Variants in MAP4 observed in about 807,000 individuals in gnomAD.
MAP4 encodes the protein microtubule associated protein 4.
A neutral mutation model predicts 170.2 loss-of-function variants in MAP4; 76 were observed. The observed-to-expected ratio is 0.45, with a 90% confidence interval of 0.37 to 0.54. The LOEUF (loss-of-function observed/expected upper bound fraction) is 0.54. Ranked by LOEUF, MAP4 falls within the 20% of genes least tolerant of loss-of-function variation. The pLI is 0.00. For missense variants in MAP4, 2,506 were observed against 2,748.0 expected, an observed-to-expected ratio of 0.91 and a Z score of 1.97; for synonymous variants, 909 against 994.5, an observed-to-expected ratio of 0.91 and a Z score of 1.62.
chr3:47,862,346 CAAAAAAAAAAAAAAAA>C (rs57751818), intron 17 of MAP4, among the ~76,000 whole-genome samples: 3 of 52,374 alleles, frequency 5.7e-5, no homozygotes, highest in South Asian at 1.5e-3. Context: ...GACTGTGTCT[CAAAAAAAAAAAAAAAA>C]AAAAAAAAAA....
intron 4 of MAP4, among the ~76,000 whole-genome samples, chr3:47,922,261 T>A (rs1306695829): frequency 1.3e-5 from 2 of 152,140 alleles, no homozygotes; most frequent in African/African-American, 2.4e-5. Context: ...TATTTCTTAT[T>A]ATCCTATGAT....
chr3:48,072,826 T>C (rs2100141663), intron 1 of MAP4, among the ~76,000 whole-genome samples: 1 of 152,180 alleles, frequency 6.6e-6, no homozygotes, highest in Admixed American at 6.6e-5. Flanking sequence ...CCCACTACTG[T>C]AGCACCTGAC....
rs115285837 is a variant in MAP4, at chr3:47,873,499, T to G, written c.5758-1399A>C. On this transcript the variant is annotated intron_variant, in intron 12 of 20. Transcript: ENST00000683076. ...AGCAGGATATCGTTAAATGGAAAAA[T>G]CAGCTAAGGAGGTACTAGAAATTAA... Among the ~76,000 whole-genome samples, 582 of 152,054 alleles carry G rather than the reference T, an allele frequency of 3.8e-3. 4 individuals are homozygous for G. The highest frequency in any genetic ancestry group is 0.013 in the African/African-American group (545 of 41,456).
At chr3:48,044,214 G>A (rs2100123153) in intron 1 of MAP4, among the ~76,000 whole-genome samples, 1 of 151,100 alleles carries the variant, frequency 6.6e-6, no homozygotes, top group South Asian at 2.1e-4. Context: ...GAGTGCAGTG[G>A]CGCAATCTCG....
At chr3:47,976,082 G>T (rs1475105869) in intron 3 of MAP4, among the ~76,000 whole-genome samples, 1 of 152,140 alleles carries the variant, frequency 6.6e-6, no homozygotes. Context: ...GAGCCACCGC[G>T]CCCGGCCTAG....
At chr3:47,915,815 G>T in intron 7 of MAP4, 136 bp downstream of exon 7, 1 of 912,924 alleles carries the variant, frequency 1.1e-6, no homozygotes. Flanking sequence ...GAGTTGTCTA[G>T]GAGAGCAGGA....
chr3:47,968,200 G>T (rs2100076274), intron 3 of MAP4, among the ~76,000 whole-genome samples: 1 of 152,140 alleles, frequency 6.6e-6, no homozygotes, highest in Non-Finnish European at 1.5e-5. Flanking sequence ...TTCACTAATG[G>T]ATAGAACAAC....
At chr3:47,925,642 T>C (rs2100045407) in intron 4 of MAP4, among the ~76,000 whole-genome samples, 1 of 152,186 alleles carries the variant, frequency 6.6e-6, no homozygotes, top group Admixed American at 6.5e-5. Context: ...CCACTTTATA[T>C]GATTCCCTTT....
At chr3:47,978,006 T>C (rs2100083199) in intron 2 of MAP4, 73 bp from the exon 3 acceptor site, 1 of 955,284 alleles carries the variant, frequency 1.0e-6, no homozygotes, top group Admixed American at 1.7e-5. Context: ...ACTGTCTTAT[T>C]AATGGAGTTT....
At chr3:48,056,682 G>A (rs62260849) in intron 1 of MAP4, among the ~76,000 whole-genome samples, 2 of 97,072 alleles carry the variant, frequency 2.1e-5, no homozygotes, top group Admixed American at 8.9e-5. Flanking sequence ...TCAGCCCTCC[G>A]CCCGGCCAGC....
At chr3:48,058,209 AAAATGACTC>A (rs2100133282) in intron 1 of MAP4, among the ~76,000 whole-genome samples, 1 of 152,252 alleles carries the variant, frequency 6.6e-6, no homozygotes, top group Admixed American at 6.5e-5. Flanking sequence ...TTCAAAGAGA[AAAATGACTC>A]AGTCCTAGAC....
intron 10 of MAP4, chr3:47,891,143 T>C (rs1004642181): frequency 1.3e-6 from 2 of 1,536,198 alleles, no homozygotes; most frequent in Admixed American, 2.0e-5. Context: ...CTGGCAAACC[T>C]GCGAGCATGA....
intron 2 of MAP4, among the ~76,000 whole-genome samples, chr3:47,986,529 C>T (rs746408601): frequency 6.6e-5 from 10 of 151,512 alleles, no homozygotes; most frequent in Non-Finnish European, 1.0e-4. Flanking sequence ...TTAGTAGAGG[C>T]GGGGTTTTGC....
At chr3:48,004,092 C>T (rs541601013) in intron 1 of MAP4, among the ~76,000 whole-genome samples, 1 of 152,204 alleles carries the variant, frequency 6.6e-6, no homozygotes, top group African/African-American at 2.4e-5. Flanking sequence ...CATATATATC[C>T]TATTAGTTCT....
chr3:47,855,051 C>T lies in MAP4; in HGVS notation c.6696+197G>A. On this transcript the variant is annotated intron_variant, in intron 19 of 20. Coordinates refer to ENST00000683076, the MANE Select transcript of MAP4 (RefSeq NM_001385682.1). This position sits in a 1 kb window ranked among gnomAD's most constrained non-coding sequence, Gnocchi z 5.1. ...CCTCCAGCTGACAGGTGAGGGGTGG[C>T]TGGGCTGGGGCCTCTTCACTTCTGC... 1 of 551,632 alleles carries T rather than the reference C, an allele frequency of 1.8e-6. No individual in the cohort carries two copies. The allele number at this position is 551,632 out of a possible 1,614,324, so 34.2% of individuals were successfully genotyped here. A position where few individuals can be genotyped will look rare whatever the true frequency, so the allele number is the denominator to read the frequency against.
At chr3:47,898,767 G>A (rs191199719) in intron 10 of MAP4, among the ~76,000 whole-genome samples, 4 of 152,040 alleles carry the variant, frequency 2.6e-5, no homozygotes, top group Non-Finnish European at 5.9e-5. Context: ...AACATAGCAG[G>A]ACCCACATCT....
intron 10 of MAP4, chr3:47,892,724 C>G (rs1415776260): frequency 2.2e-6 from 3 of 1,346,254 alleles, no homozygotes; most frequent in Non-Finnish European, 1.9e-6. Context: ...GAACCTGCTG[C>G]TTTCTGCACA....
At chr3:48,010,361 G>A (rs548784119) in intron 1 of MAP4, among the ~76,000 whole-genome samples, 1 of 152,278 alleles carries the variant, frequency 6.6e-6, no homozygotes, top group East Asian at 1.9e-4. Context: ...GTTTGTGTAT[G>A]TATACACATG....
At chr3:47,949,088 G>A (rs569477997) in intron 3 of MAP4, among the ~76,000 whole-genome samples, 1 of 152,284 alleles carries the variant, frequency 6.6e-6, no homozygotes, top group South Asian at 2.1e-4. Context: ...ATCTTGAGCT[G>A]TAATCACTTA....
Sources: allele counts gnomAD v4.1 joint callset (sites outside exome capture counted in the v4.1 genomes callset), GRCh38; gene constraint gnomAD v4.1.1; non-coding constraint Gnocchi (gnomAD v3.1); transcripts MANE v1.5; gene names NCBI Gene and HGNC (gene_info 2026-07-23, HGNC 2026-07-21).